The following CEP63 variants were observed in gnomAD, a reference collection of about 807,000 sequenced individuals.
CEP63 encodes the protein centrosomal protein 63.
CEP63 carries 84 observed loss-of-function variants against 89.1 expected under a neutral mutation model. That is an observed-to-expected ratio of 0.94 (90% CI 0.79 to 1.13). CEP63 has a LOEUF of 1.13. Among genes scored for constraint, CEP63 ranks in the 50% most tolerant of loss-of-function variants. CEP63 has a pLI of 0.00. For synonymous variants in CEP63, 267 were observed against 272.5 expected (o/e 0.98, Z 0.20); for missense variants, 838 against 813.3 (o/e 1.03, Z -0.37).
chr3:134,555,088 A>G (rs1374557900), intron 12 of CEP63, among the ~76,000 whole-genome samples: 2 of 151,432 alleles, frequency 1.3e-5, no homozygotes. Flanking sequence ...CATGCTAAAA[A>G]CTCTCAATAA....
At chr3:134,496,682 C>T (rs889003577) in intron 2 of CEP63, among the ~76,000 whole-genome samples, 3 of 152,140 alleles carry the variant, frequency 2.0e-5, no homozygotes, top group Non-Finnish European at 4.4e-5. Flanking sequence ...CTGTTTATGT[C>T]ATTATCTGAT....
chr3:134,556,904 T>C (rs948239360), intron 12 of CEP63, among the ~76,000 whole-genome samples: 4 of 152,220 alleles, frequency 2.6e-5, no homozygotes, highest in African/African-American at 9.6e-5. Flanking sequence ...TTAATAAGTA[T>C]GTTTAATGAC....
chr3:134,773,974 C>T, the CEP63 span, among the ~76,000 whole-genome samples: 1 of 152,190 alleles, frequency 6.6e-6, no homozygotes, highest in Non-Finnish European at 1.5e-5. Flanking sequence ...TGCATGTCAC[C>T]ATTTTCCCAG....
intron 3 of CEP63, among the ~76,000 whole-genome samples, chr3:134,531,010 C>T (rs555100308): frequency 3.3e-5 from 5 of 152,162 alleles, no homozygotes; most frequent in Admixed American, 6.5e-5. Context: ...AAATAGGTGT[C>T]ACTGGTATCA....
At chr3:134,754,135 C>G in the CEP63 span, among the ~76,000 whole-genome samples, 1 of 152,314 alleles carries the variant, frequency 6.6e-6, no homozygotes, top group East Asian at 1.9e-4. Context: ...TGGGGTGGAG[C>G]ACATTCCCTC....
the CEP63 span, among the ~76,000 whole-genome samples, chr3:134,739,204 A>G: frequency 2.0e-5 from 3 of 152,246 alleles, no homozygotes; most frequent in Non-Finnish European, 4.4e-5. Flanking sequence ...TCATAGCAGT[A>G]TTATTGATAG....
the CEP63 span, among the ~76,000 whole-genome samples, chr3:134,662,002 G>A: frequency 1.3e-5 from 2 of 152,234 alleles, no homozygotes; most frequent in Non-Finnish European, 2.9e-5. Flanking sequence ...TGCCGGCTGG[G>A]CATGGTGGCT....
At chr3:134,718,834 C>T in the CEP63 span, among the ~76,000 whole-genome samples, 5 of 152,210 alleles carry the variant, frequency 3.3e-5, no homozygotes, top group African/African-American at 1.2e-4. Flanking sequence ...GCTACACTTT[C>T]CTCGCTGGGA....
At chr3:134,623,713 C>T in the CEP63 span, among the ~76,000 whole-genome samples, 1 of 152,130 alleles carries the variant, frequency 6.6e-6, no homozygotes, top group Non-Finnish European at 1.5e-5. Flanking sequence ...TGTGCACTGC[C>T]CCTCTGGAGG....
chr3:134,681,393 C>G, the CEP63 span, among the ~76,000 whole-genome samples: 1 of 152,136 alleles, frequency 6.6e-6, no homozygotes, highest in South Asian at 2.1e-4. Context: ...GAATCATAAT[C>G]TCAGGGTACA....
At chr3:134,695,059 C>A in the CEP63 span, among the ~76,000 whole-genome samples, 2 of 152,176 alleles carry the variant, frequency 1.3e-5, no homozygotes, top group African/African-American at 2.4e-5. Flanking sequence ...AAGCTCCTGA[C>A]CAGATAGCAC....
chr3:134,601,088 GA>G, the CEP63 span: 1 of 152,226 alleles, frequency 6.6e-6, no homozygotes, highest in Non-Finnish European at 1.5e-5. Flanking sequence ...GGGATTTAAA[GA>G]AAAGCCTTCA....
the CEP63 span, among the ~76,000 whole-genome samples, chr3:134,636,681 T>C: frequency 2.0e-5 from 3 of 152,210 alleles, no homozygotes; most frequent in African/African-American, 4.8e-5. Flanking sequence ...AACCTGCAGA[T>C]TGGTGAGCTC....
chr3:134,704,847 G>C, the CEP63 span, among the ~76,000 whole-genome samples: 1 of 152,230 alleles, frequency 6.6e-6, no homozygotes, highest in Non-Finnish European at 1.5e-5. Context: ...GCTTGTTGAA[G>C]AGGTGGGGCG....
intron 10 of CEP63, among the ~76,000 whole-genome samples, chr3:134,580,289 A>C (rs1427423498): frequency 6.6e-6 from 1 of 152,124 alleles, no homozygotes; most frequent in Non-Finnish European, 1.5e-5. Context: ...TCTATAAAGT[A>C]GTGGTTGCCT....
intron 3 of CEP63, among the ~76,000 whole-genome samples, chr3:134,522,027 T>C (rs554561393): frequency 3.4e-4 from 51 of 152,194 alleles, no homozygotes; most frequent in Non-Finnish European, 5.4e-4. Context: ...CACTCTCTTT[T>C]AGTCTCTTTT....
the CEP63 span, among the ~76,000 whole-genome samples, chr3:134,736,192 C>G: frequency 1.3e-5 from 2 of 152,020 alleles, no homozygotes; most frequent in African/African-American, 4.8e-5. Context: ...AAAAATCCTA[C>G]AAAAATCATA....
the CEP63 span, among the ~76,000 whole-genome samples, chr3:134,736,947 T>C: frequency 6.6e-6 from 1 of 152,162 alleles, no homozygotes; most frequent in Admixed American, 6.5e-5. Flanking sequence ...CAATTTGTTC[T>C]TGGTGTGGGG....
At chr3:134,497,665 C>A (rs1940599126) in intron 2 of CEP63, among the ~76,000 whole-genome samples, 1 of 152,138 alleles carries the variant, frequency 6.6e-6, no homozygotes, top group Non-Finnish European at 1.5e-5. Context: ...CCACTGTACC[C>A]AATCCCTATG....
Sources: allele counts gnomAD v4.1 joint callset (sites outside exome capture counted in the v4.1 genomes callset), GRCh38; gene constraint gnomAD v4.1.1; transcripts MANE v1.5; gene names NCBI Gene and HGNC (gene_info 2026-07-23, HGNC 2026-07-21).